FBRS: variants seen among roughly 807,000 people sequenced by gnomAD.
FBRS encodes fibrosin.
Under a neutral mutation model 86.1 loss-of-function variants are expected in FBRS, and 15 were observed. That is an observed-to-expected ratio of 0.17 (90% CI 0.12 to 0.27). The LOEUF (loss-of-function observed/expected upper bound fraction) is 0.27. FBRS is among the 10% of genes least tolerant of loss of function. The probability of loss-of-function intolerance (pLI) is 1.00; values close to 1 mark genes in which losing one functional copy is unlikely to be tolerated. For synonymous variants in FBRS, 666 were observed against 575.8 expected (o/e 1.16, Z -2.24); for missense variants, 1,367 against 1,301.6 (o/e 1.05, Z -0.77).
chr16:30,664,702 TC>T lies in FBRS; in HGVS notation c.1358-9del. ...GCGACAGCATTAAAGCCTTCTCCCG[TC>T]CCCTCCCACAGAGCAGGACCTGATC... On this transcript the variant is annotated splice_polypyrimidine_tract_variant and intron_variant, in intron 7 of 17. Coordinates refer to ENST00000356166, the MANE Select transcript of FBRS (RefSeq NM_001105079.3). The T allele has an allele frequency of 6.6e-7, 1 of 1,506,124 alleles. No individual in the cohort carries two copies. 93.3% of individuals were successfully genotyped at this position (1,506,124 alleles called of 1,614,324 possible).
At position 30,669,192 on chromosome 16, in the gene FBRS, G is replaced by T; in HGVS notation, c.2490G>T (p.Glu830Asp). ...SVRVKEERKE[E>D]AAAAAAAAAA... is the part of the protein sequence containing the mutation. ...GGGTAAAGGAAGAGCGGAAGGAGGA[G>T]GCTGCCGCCGCCGCTGCCGCTGCTG... The change falls in exon 18 of 18, where the codon GAG becomes GAT. Residue 830 changes from glutamate to aspartate, a missense_variant. Physicochemically the swap from Glu to Asp is conservative, Grantham distance 45. Coordinates refer to ENST00000356166, the MANE Select transcript of FBRS (RefSeq NM_001105079.3). This position sits in a 1 kb window ranked among gnomAD's most constrained non-coding sequence, Gnocchi z 5.9. The T allele has an allele frequency of 6.5e-7, 1 of 1,549,484 alleles. No homozygotes were observed. The highest frequency in any genetic ancestry group is 8.7e-7 in the Non-Finnish European group (1 of 1,146,674).
chr16:30,665,197 G>A lies in FBRS; in HGVS notation c.1609-109G>A, dbSNP rs1347748277. On this transcript the variant is annotated intron_variant, in intron 9 of 17. Transcript: ENST00000356166. This position sits in a 1 kb window ranked among gnomAD's most constrained non-coding sequence, Gnocchi z 4.1. ...GCACAAAAGCAAGAGCCTTGAGCCTGGGACAGCTCCCTGGGGGGCTTTAGG... is the reference window on the plus strand; with the variant it reads ...GCACAAAAGCAAGAGCCTTGAGCCTAGGACAGCTCCCTGGGGGGCTTTAGG... 6.6e-7 allele frequency: 1 copy of A among 1,519,388 alleles called. No homozygotes were observed. 94.1% of individuals were successfully genotyped at this position (1,519,388 alleles called of 1,614,324 possible). A position where few individuals can be genotyped will look rare whatever the true frequency, so the allele number is the denominator to read the frequency against.
In FBRS at chr16:30,664,506, C is replaced by T. The variant is rs961112332; in HGVS notation, c.1347C>T (p.Asn449=). 21 of 1,417,736 alleles carry T rather than the reference C, an allele frequency of 1.5e-5. No homozygotes were observed. The East Asian group carries it at 1.8e-4, about 12-fold the overall frequency. The allele number at this position is 1,417,736 out of a possible 1,614,324, so 87.8% of individuals were successfully genotyped here. The part of the protein sequence containing the change: ...VPGHPGASAA[N]ALSEQDLIGQ... ...GGCACCCTGGGGCCTCAGCCGCTAA[C>T]GCCCTTTCTGGTGAGTTTGGGGTCC... is the stretch of plus-strand genomic sequence containing the variant. Residue 449 remains asparagine, a synonymous_variant, in exon 7 of 18, where the codon AAC becomes AAT. Transcript: ENST00000356166.
At position 30,665,487 on chromosome 16, in the gene FBRS, C is replaced by A; in HGVS notation, c.1704+86C>A. ...GTCCAAGCACCCTTCTCCCATTCCCCAAAGTCGTGCCCATCCTCCTGCCCT... is the reference window on the plus strand; with the variant it reads ...GTCCAAGCACCCTTCTCCCATTCCCAAAAGTCGTGCCCATCCTCCTGCCCT... On this transcript the variant is annotated intron_variant, in intron 10 of 17. Coordinates refer to ENST00000356166, the MANE Select transcript of FBRS (RefSeq NM_001105079.3). The surrounding 1 kb of genome is among the most constrained non-coding windows in gnomAD (Gnocchi z 4.1). 1 of 1,441,124 alleles carries A rather than the reference C, an allele frequency of 6.9e-7. No individual in the cohort carries two copies. The allele number at this position is 1,441,124 out of a possible 1,614,324, so 89.3% of individuals were successfully genotyped here. A position where few individuals can be genotyped will look rare whatever the true frequency, so the allele number is the denominator to read the frequency against.
chr16:30,666,463 C>T, intron 11 of FBRS, 49 bp from the exon 12 acceptor site: 1 of 1,613,262 alleles, frequency 6.2e-7, no homozygotes, highest in Non-Finnish European at 8.5e-7. Flanking sequence ...GGCGCCTGGC[C>T]CAGGACTCGG....
Position 30,661,051 on chromosome 16 carries a change from G to A in FBRS, c.640-129G>A. 2.8e-6 allele frequency: 4 copies of A among 1,406,672 alleles called. No individual in the cohort carries two copies. In the South Asian group the frequency reaches 4.0e-5, roughly 14 times the overall value. The allele number at this position is 1,406,672 out of a possible 1,614,324, so 87.1% of individuals were successfully genotyped here. On this transcript the variant is annotated intron_variant, in intron 2 of 17. Transcript: ENST00000356166. ...CACTGGGACCCGGGTGGGCAGTGGCGGGAGAAGCAGCTGGAAGGAGAGGCT... is the reference window on the plus strand; with the variant it reads ...CACTGGGACCCGGGTGGGCAGTGGCAGGAGAAGCAGCTGGAAGGAGAGGCT...
rs1022174178 is a variant in FBRS, at chr16:30,659,842, A to G, written c.324A>G (p.Glu108=). Reference sequence around the variant, plus strand: ...CCGGCTCGGGCAGCCGCGGGGAGGAAGAGGAGGAGGAGGAGGAGGAGGGGG... The same window carrying G: ...CCGGCTCGGGCAGCCGCGGGGAGGAGGAGGAGGAGGAGGAGGAGGAGGGGG... ...RPAGSGSRGE[E]EEEEEEEGGA... Residue 108 remains glutamate, a synonymous_variant, in exon 1 of 18, where the codon GAA becomes GAG. Transcript: ENST00000356166. The G allele has an allele frequency of 3.8e-4, 576 of 1,518,012 alleles. 4 individuals are homozygous for G. The East Asian group carries it at 6.2e-3, about 16-fold the overall frequency. The allele number at this position is 1,518,012 out of a possible 1,614,324, so 94.0% of individuals were successfully genotyped here. A position where few individuals can be genotyped will look rare whatever the true frequency, so the allele number is the denominator to read the frequency against.
Position 30,659,887 on chromosome 16 carries a change from C to G in FBRS, c.369C>G (p.Ala123=). The G allele has an allele frequency of 6.5e-7, 1 of 1,548,234 alleles. No homozygotes were observed. The highest frequency in any genetic ancestry group is 8.7e-7 in the Non-Finnish European group (1 of 1,147,084). The change falls in exon 1 of 18, where the codon GCC becomes GCG. Residue 123 remains alanine, a synonymous_variant. Coordinates refer to ENST00000356166, the MANE Select transcript of FBRS (RefSeq NM_001105079.3). The part of the protein sequence containing the change: ...EEEGGADDGE[A]EEEPEEEEEE... ...AGGGGGGCGCAGACGACGGCGAAGC[C>G]GAGGAGGAGCCTGAGGAGGAGGAAG...
chr16:30,661,088 C>CT, intron 2 of FBRS, 92 bp from the exon 3 acceptor site: 2 of 1,539,252 alleles, frequency 1.3e-6, no homozygotes, highest in East Asian at 2.4e-5. Flanking sequence ...AGAGTAGATC[C>CT]TGGAGGCCCA....
In FBRS at chr16:30,661,286, G is replaced by C; in HGVS notation, c.676-18G>C. 1.3e-6 allele frequency: 2 copies of C among 1,550,828 alleles called. No homozygotes were observed. Among genetic ancestry groups the C allele is most frequent in the Non-Finnish European group, 1.7e-6 (2 of 1,147,058 alleles). ...GCCTCTTCCCTCTCGTGACACCTCT[G>C]TCTTTCCTTCTCCCCAGTGTGACGC... On this transcript the variant is annotated intron_variant, in intron 3 of 17. Transcript: ENST00000356166.
Position 30,661,438 on chromosome 16 carries a change from C to T in FBRS, c.705+105C>T, listed in dbSNP as rs1223260655. On this transcript the variant is annotated intron_variant, in intron 4 of 17. Coordinates refer to ENST00000356166, the MANE Select transcript of FBRS (RefSeq NM_001105079.3). ...AGACAGCCTTCCCTTGAGTGAGAAA[C>T]ATGGCTTAGGTTGAGTCAGGATTAG... is the stretch of plus-strand genomic sequence containing the variant. 1.9e-6 allele frequency: 3 copies of T among 1,541,948 alleles called. No homozygotes were observed. The East Asian group carries it at 7.4e-5, about 38-fold the overall frequency.
At position 30,664,700 on chromosome 16, in the gene FBRS, C is replaced by A; in HGVS notation, c.1358-15C>A. The A allele has an allele frequency of 6.7e-7, 1 of 1,503,398 alleles. No individual in the cohort carries two copies. The allele number at this position is 1,503,398 out of a possible 1,614,324, so 93.1% of individuals were successfully genotyped here. ...TGGCGACAGCATTAAAGCCTTCTCC[C>A]GTCCCCTCCCACAGAGCAGGACCTG... is the stretch of plus-strand genomic sequence containing the variant. On this transcript the variant is annotated splice_polypyrimidine_tract_variant and intron_variant, in intron 7 of 17. Transcript: ENST00000356166.
chr16:30,664,916 A>T lies in FBRS; in HGVS notation c.1559A>T (p.His520Leu). The T allele has an allele frequency of 6.2e-7, 1 of 1,610,670 alleles. No homozygotes were observed. Among genetic ancestry groups the T allele is most frequent in the Non-Finnish European group, 8.5e-7 (1 of 1,178,304 alleles). ...GGCCTGCTGCCACCCCACGGCCCCC[A>T]CATGGTGAGCTCCTCATTGGGCTGG... ...PPGLLPPHGP[H>L]MFEKYPGKME... The change falls in exon 8 of 18, where the codon CAC becomes CTC. Residue 520 changes from histidine (H) to leucine (L), a missense_variant. This residue lies in a region of FBRS where 659 missense variants were observed against 678.8 expected (regional missense o/e 0.97). Transcript: ENST00000356166.
At chr16:30,662,199 G>A (rs936035110) in intron 4 of FBRS, 13 of 656,566 alleles carry the variant, frequency 2.0e-5, no homozygotes, top group African/African-American at 1.8e-4. Flanking sequence ...CCTCCATTTA[G>A]TCCTCTTGGC....
At position 30,665,047 on chromosome 16, in the gene FBRS, CCAG is replaced by C; in HGVS notation, c.1577_1579del (p.Pro526_Gly527delinsArg). On this transcript the variant is annotated inframe_deletion, in exon 9 of 18. Coordinates refer to ENST00000356166, the MANE Select transcript of FBRS (RefSeq NM_001105079.3). The surrounding 1 kb of genome is among the most constrained non-coding windows in gnomAD (Gnocchi z 4.1). ...TTCTCTTCCCTAGTTTGAGAAATATCCAGGAAAGATGGAAGGCCTTTTCCGACA... is the reference window on the plus strand; with the variant it reads ...TTCTCTTCCCTAGTTTGAGAAATATCGAAAGATGGAAGGCCTTTTCCGACA... 6.2e-7 allele frequency: 1 copy of C among 1,613,672 alleles called. No individual in the cohort carries two copies. The highest frequency in any genetic ancestry group is 8.5e-7 in the Non-Finnish European group (1 of 1,179,764).
Position 30,665,326 on chromosome 16 carries a change from C to T in FBRS, c.1629C>T (p.Pro543=), listed in dbSNP as rs752907151. The change falls in exon 10 of 18, where the codon CCC becomes CCT. Residue 543 remains proline, a synonymous_variant. Coordinates refer to ENST00000356166, the MANE Select transcript of FBRS (RefSeq NM_001105079.3). The surrounding 1 kb of genome is among the most constrained non-coding windows in gnomAD (Gnocchi z 4.1). ...CACAGCCGTACACGGCCTTCCCTCC[C>T]GCAGTGCCCGGGCTGCCTCCGGGCC... The part of the protein sequence containing the change: ...FRHNPYTAFP[P]AVPGLPPGLP... The T allele has an allele frequency of 3.5e-5, 55 of 1,564,442 alleles. No homozygotes were observed. The highest frequency in any genetic ancestry group is 4.4e-5 in the Non-Finnish European group (51 of 1,155,426).
rs2052417080 is a variant in FBRS at position 30,658,851 on chromosome 16, C to T, written c.-668C>T. 1 of 152,160 alleles carries T rather than the reference C, an allele frequency of 6.6e-6. No individual in the cohort carries two copies. The highest frequency in any genetic ancestry group is 2.4e-5 in the African/African-American group (1 of 41,382). 9.4% of individuals were successfully genotyped at this position (152,160 alleles called of 1,614,324 possible). ...GGGGAAGCCGCCGAGCAGACGCTGACAAATTGAGAACTGTGCCGTTGGGAG... is the reference window on the plus strand; with the variant it reads ...GGGGAAGCCGCCGAGCAGACGCTGATAAATTGAGAACTGTGCCGTTGGGAG... On this transcript the variant is annotated 5_prime_UTR_variant, in exon 1 of 18. Transcript: ENST00000356166.
chr16:30,667,031 CAG>C (rs1357407663), intron 13 of FBRS, 41 bp downstream of exon 13: 7 of 1,561,442 alleles, frequency 4.5e-6, no homozygotes, highest in Admixed American at 3.7e-5. Flanking sequence ...GTCTCAGAGT[CAG>C]GGGAGGACTG....
At chr16:30,661,955 A>G (rs929503064) in intron 4 of FBRS, 1 of 179,778 alleles carries the variant, frequency 5.6e-6, no homozygotes, top group Non-Finnish European at 1.2e-5. Context: ...ATCCATCTCT[A>G]TCTGTCTAGG....
Sources: allele counts gnomAD v4.1 joint callset, GRCh38; gene constraint gnomAD v4.1.1; regional missense constraint gnomAD v4.1.1; non-coding constraint Gnocchi (gnomAD v3.1); transcripts MANE v1.5; gene names NCBI Gene and HGNC (gene_info 2026-07-23, HGNC 2026-07-21).